Variants in RBPJ observed in about 807,000 individuals in gnomAD.
The protein encoded by RBPJ is recombination signal binding protein for immunoglobulin kappa J region.
In RBPJ, 9 loss-of-function variants were observed where a neutral mutation model predicts 67.8. That is an observed-to-expected ratio of 0.13 (90% confidence interval 0.08 to 0.23). The LOEUF (loss-of-function observed/expected upper bound fraction) is 0.23. Ranked by LOEUF, RBPJ falls within the 10% of genes least tolerant of loss-of-function variation. The probability of loss-of-function intolerance (pLI) is 1.00; values close to 1 mark genes in which losing one functional copy is unlikely to be tolerated. For synonymous variants in RBPJ, 198 were observed against 203.3 expected, an observed-to-expected ratio of 0.97 and a Z score of 0.22; for missense variants, 305 against 595.6, an observed-to-expected ratio of 0.51 and a Z score of 5.08.
chr4:26,407,505 C>T (rs932644528), intron 3 of RBPJ, among the ~76,000 whole-genome samples: 3 of 152,110 alleles, frequency 2.0e-5, no homozygotes, highest in African/African-American at 4.8e-5. Context: ...TAATTGGGGA[C>T]TTTCATTGTT....
intron 1 of RBPJ, among the ~76,000 whole-genome samples, chr4:26,203,280 A>G (rs987901070): frequency 1.3e-5 from 2 of 152,192 alleles, no homozygotes; most frequent in African/African-American, 2.4e-5. Context: ...GATCTGCACA[A>G]TATCTACATG....
chr4:26,210,496 A>G (rs1718346436), intron 1 of RBPJ, among the ~76,000 whole-genome samples: 1 of 152,176 alleles, frequency 6.6e-6, no homozygotes, highest in African/African-American at 2.4e-5. Context: ...CATTGTTAGT[A>G]TTATTTAAAA....
the RBPJ span, chr4:26,111,922 C>A: frequency 2.8e-5 from 6 of 214,562 alleles, no homozygotes; most frequent in South Asian, 5.3e-4. Flanking sequence ...CTTTACCCAG[C>A]AAGAGTGGTA....
intron 1 of RBPJ, among the ~76,000 whole-genome samples, chr4:26,287,586 G>C (rs200697856): frequency 4.5e-3 from 48 of 10,552 alleles, no homozygotes; most frequent in East Asian, 0.024. Context: ...AAGGACAGGA[G>C]AGGAGAGGGG....
At chr4:26,184,733 A>G (rs1221269459) in intron 1 of RBPJ, among the ~76,000 whole-genome samples, 2 of 152,250 alleles carry the variant, frequency 1.3e-5, no homozygotes, top group Admixed American at 6.5e-5. Flanking sequence ...GCTCCAAAGT[A>G]TCCTACGTAA....
intron 1 of RBPJ, among the ~76,000 whole-genome samples, chr4:26,202,756 A>G (rs1321754638): frequency 3.3e-5 from 5 of 151,932 alleles, no homozygotes; most frequent in Non-Finnish European, 7.4e-5. Context: ...AAAACATACA[A>G]AAACTAGCTG....
chr4:26,191,180 A>AATATAT (rs1245359104), intron 1 of RBPJ, among the ~76,000 whole-genome samples: 28 of 59,700 alleles, frequency 4.7e-4, no homozygotes, highest in Non-Finnish European at 7.3e-4. Flanking sequence ...AAAAAAAAAA[A>AATATAT]ATATATATAT....
chr4:26,319,687 T>G, upstream of RBPJ: 1 of 675,898 alleles, frequency 1.5e-6, no homozygotes, highest in Non-Finnish European at 2.7e-6. Flanking sequence ...GAAGGAGGTG[T>G]AGCGTGAGAC....
chr4:26,179,369 C>A (rs886164474), intron 1 of RBPJ, among the ~76,000 whole-genome samples: 1 of 150,876 alleles, frequency 6.6e-6, no homozygotes, highest in African/African-American at 2.4e-5. Context: ...GCGGATGGAG[C>A]CCCACTGTGG....
At chr4:26,395,976 G>C (rs1732078563) in intron 2 of RBPJ, among the ~76,000 whole-genome samples, 1 of 152,266 alleles carries the variant, frequency 6.6e-6, no homozygotes, top group East Asian at 1.9e-4. Context: ...TCTGTTTTCT[G>C]TGCCTGTTTC....
intron 1 of RBPJ, among the ~76,000 whole-genome samples, chr4:26,214,951 G>A (rs1215759391): frequency 3.3e-5 from 2 of 59,982 alleles, no homozygotes; most frequent in South Asian, 6.4e-4. Context: ...GAGGAAGGAC[G>A]GAAGGAAGGA....
chr4:26,212,432 C>CTTTTTTTTTTTT (rs370447105), intron 1 of RBPJ, among the ~76,000 whole-genome samples: 2 of 112,234 alleles, frequency 1.8e-5, no homozygotes, highest in African/African-American at 7.1e-5. Flanking sequence ...CTTTTCTTTT[C>CTTTTTTTTTTTT]TTTTTTTTTT....
intron 1 of RBPJ, among the ~76,000 whole-genome samples, chr4:26,197,993 C>T (rs1717836834): frequency 6.6e-6 from 1 of 152,164 alleles, no homozygotes; most frequent in Admixed American, 6.5e-5. Flanking sequence ...TGGCTCACTT[C>T]ACACCTGTAA....
intron 2 of RBPJ, among the ~76,000 whole-genome samples, chr4:26,389,303 A>G (rs1731255522): frequency 6.6e-6 from 1 of 151,766 alleles, no homozygotes; most frequent in African/African-American, 2.4e-5. Context: ...AAAGTCAGTG[A>G]TAAAGAAAAA....
chr4:26,192,443 A>G (rs1717601258), intron 1 of RBPJ, among the ~76,000 whole-genome samples: 1 of 152,214 alleles, frequency 6.6e-6, no homozygotes, highest in African/African-American at 2.4e-5. Context: ...CACAACACAG[A>G]TGTTGCTATT....
At chr4:26,204,354 G>A (rs1718094823) in intron 1 of RBPJ, among the ~76,000 whole-genome samples, 1 of 152,216 alleles carries the variant, frequency 6.6e-6, no homozygotes. Context: ...ACCAATGAAA[G>A]AGGTGTCGCC....
the RBPJ span, among the ~76,000 whole-genome samples, chr4:26,115,446 G>A: frequency 6.6e-6 from 1 of 151,734 alleles, no homozygotes; most frequent in African/African-American, 2.4e-5. Flanking sequence ...GTGCAGTGGC[G>A]CGATCTCAGC....
At chr4:26,284,493 G>C (rs1721388704) in intron 1 of RBPJ, among the ~76,000 whole-genome samples, 1 of 152,150 alleles carries the variant, frequency 6.6e-6, no homozygotes, top group African/African-American at 2.4e-5. Flanking sequence ...TTTTGAGACT[G>C]AGTCTCGCTC....
At chr4:26,215,249 A>AGGGATGG (rs1198126134) in intron 1 of RBPJ, among the ~76,000 whole-genome samples, 3 of 21,424 alleles carry the variant, frequency 1.4e-4, no homozygotes, top group African/African-American at 4.0e-4. Context: ...GAAAGAAAGT[A>AGGGATGG]AGAAAGAAAG....
Sources: allele counts gnomAD v4.1 joint callset (sites outside exome capture counted in the v4.1 genomes callset), GRCh38; gene constraint gnomAD v4.1.1; transcripts MANE v1.5; gene names NCBI Gene and HGNC (gene_info 2026-07-23, HGNC 2026-07-21).